COQ7: variants seen among roughly 807,000 people sequenced by gnomAD.
COQ7 encodes coenzyme Q7, hydroxylase.
In COQ7, 21 loss-of-function variants were observed where a neutral mutation model predicts 25.0. The observed-to-expected ratio is 0.84, with a 90% CI of 0.60 to 1.21. The LOEUF is 1.21. COQ7 is among the 50% of genes most tolerant of loss of function. COQ7 has a pLI of 0.00. For missense variants in COQ7, 311 were observed against 296.2 expected (o/e 1.05, Z -0.37); for synonymous variants, 125 against 112.4 (o/e 1.11, Z -0.71).
chr16:19,070,724 T>C (rs1276502178), intron 1 of COQ7, among the ~76,000 whole-genome samples: 1 of 150,888 alleles, frequency 6.6e-6, no homozygotes, highest in East Asian at 1.9e-4. Flanking sequence ...GTCTCCAGCC[T>C]GGGCGATACA....
At chr16:19,068,795 A>G (rs574332415) in intron 1 of COQ7, 50 of 439,596 alleles carry the variant, frequency 1.1e-4, no homozygotes, top group African/African-American at 8.1e-4. Flanking sequence ...TTGTATAGCT[A>G]TGTCCCATTT....
intron 2 of COQ7, among the ~76,000 whole-genome samples, chr16:19,073,191 C>T (rs1962651711): frequency 1.3e-5 from 2 of 152,098 alleles, no homozygotes; most frequent in South Asian, 2.1e-4. Flanking sequence ...TGCCTGTAGT[C>T]CCAGCTGCTT....
At chr16:19,080,757 T>C (rs1330052970), downstream of COQ7, among the ~76,000 whole-genome samples, 3 of 152,034 alleles carry the variant, frequency 2.0e-5, no homozygotes, top group Non-Finnish European at 4.4e-5. Context: ...ATAATTAGGG[T>C]TATTATGTTA....
rs541210371 is a variant in COQ7 at position 19,069,407 on chromosome 16, G to A, written c.73+1670G>A. On this transcript the variant is annotated intron_variant, in intron 1 of 5. Coordinates refer to ENST00000321998, the MANE Select transcript of COQ7 (RefSeq NM_016138.5). ...TTAAAAAGGAAAGAGCCTGATTATT[G>A]CCTTTTTTTTTTTTTTTTTTTGAGG... 2.4e-5 allele frequency among the ~76,000 whole-genome samples: 3 copies of A among 124,420 alleles called. No individual in the cohort carries two copies. The South Asian group carries it at 8.0e-4, about 33-fold the overall frequency. The allele number at this position is 124,420 out of a possible 152,430, so 81.6% of individuals were successfully genotyped here.
chr16:19,078,145 C>T lies in COQ7; in HGVS notation c.641C>T (p.Ser214Leu), dbSNP rs1962959540. The change falls in exon 6 of 6, where the codon TCA (serine) becomes TTA (leucine). Residue 214 changes from serine to leucine, a missense_variant. Ser to Leu is a moderately radical substitution (Grantham distance 145). Transcript: ENST00000321998. ...QAGCRVAIYLSERL is the reference protein window; with the variant it reads ...QAGCRVAIYLLERL ...GGATGCAGAGTGGCGATATATTTAT[C>T]AGAAAGATTATAAAGTGTGTCCAGT... 1 of 1,611,324 alleles carries T rather than the reference C, an allele frequency of 6.2e-7. No homozygotes were observed. The highest frequency in any genetic ancestry group is 8.5e-7 in the Non-Finnish European group (1 of 1,178,824).
Position 19,078,074 on chromosome 16 carries a change from T to C in COQ7, c.577-7T>C, listed in dbSNP as rs1962952684. 1.9e-6 allele frequency: 3 copies of C among 1,587,952 alleles called. No individual in the cohort carries two copies. Among genetic ancestry groups the C allele is most frequent in the East Asian group, 4.6e-5 (2 of 43,110 alleles). On this transcript the variant is annotated splice_region_variant and splice_polypyrimidine_tract_variant and intron_variant, in intron 5 of 5. Coordinates refer to ENST00000321998, the MANE Select transcript of COQ7 (RefSeq NM_016138.5). ...ATGTTTCTTTGTTTGCTTATTGTTT[T>C]TAACAGGCTCCAGCCTATGCCGTCC...
chr16:19,075,889 G>A (rs765952476), intron 4 of COQ7, 29 bp downstream of exon 4: 9 of 1,613,778 alleles, frequency 5.6e-6, no homozygotes, highest in Non-Finnish European at 2.5e-6. Context: ...GAACGGGGCT[G>A]CTCAAGGAGG....
In COQ7 at chr16:19,075,830, G is replaced by C; in HGVS notation, c.477G>C (p.Glu159Asp). ...YNNQIRTLMEEDPEKYEELLQ... is the reference protein window; with the variant it reads ...YNNQIRTLMEDDPEKYEELLQ... ...ACCAGATCAGGACGCTGATGGAGGA[G>C]GACCCTGAAAAATACGAGGAACTTC... Residue 159 changes from glutamate (E) to aspartate (D), a missense_variant, in exon 4 of 6, where the codon GAG becomes GAC. Transcript: ENST00000321998. The C allele has an allele frequency of 6.2e-7, 1 of 1,614,160 alleles. No homozygotes were observed.
rs749629099 is a variant in COQ7 at position 19,077,321 on chromosome 16, C to T, written c.523C>T (p.Arg175Trp). 6.8e-6 allele frequency: 11 copies of T among 1,613,904 alleles called. No homozygotes were observed. Among genetic ancestry groups the T allele is most frequent in the Admixed American group, 3.3e-5 (2 of 59,978 alleles). The change falls in exon 5 of 6, where the codon CGG (arginine) becomes TGG (tryptophan). Residue 175 changes from arginine to tryptophan, a missense_variant. By Grantham distance (101) the Arg-to-Trp change is moderately radical. Coordinates refer to ENST00000321998, the MANE Select transcript of COQ7 (RefSeq NM_016138.5). The stretch of plus-strand genomic sequence containing the variant: ...ATTTAACCAGCTGATAAAGAAATTT[C>T]GGGATGAAGAGCTTGAGCACCATGA... ...EELLQLIKKF[R>W]DEELEHHDIG...
intron 5 of COQ7, 102 bp downstream of exon 5, chr16:19,077,476 G>A (rs540481265): frequency 9.7e-6 from 9 of 923,538 alleles, no homozygotes; most frequent in African/African-American, 8.3e-5. Flanking sequence ...TAAAGTGACA[G>A]CGAAAGGGAG....
chr16:19,076,254 ATTTT>A (rs765074767), intron 4 of COQ7, among the ~76,000 whole-genome samples: 1 of 120,748 alleles, frequency 8.3e-6, no homozygotes, highest in South Asian at 2.8e-4. Flanking sequence ...CTCACAGCTA[ATTTT>A]TTTTTTTTTT....
Position 19,079,123 on chromosome 16 carries a change from CACAGTGTGAGACTTCA to C in COQ7, c.*967_*982del, listed in dbSNP as rs1963012419. 1 of 152,090 alleles carries C rather than the reference CACAGTGTGAGACTTCA, an allele frequency of 6.6e-6. No individual in the cohort carries two copies. Among genetic ancestry groups the C allele is most frequent in the African/African-American group, 2.4e-5 (1 of 41,418 alleles). 9.4% of individuals were successfully genotyped at this position (152,090 alleles called of 1,614,324 possible). Reference sequence around the variant, plus strand: ...CCCTAGAGAGATACCTCATCCTCTCCACAGTGTGAGACTTCAAGGGGAAGTATGAGACTTCTCTGAG... The same window carrying C: ...CCCTAGAGAGATACCTCATCCTCTCCAGGGGAAGTATGAGACTTCTCTGAG... On this transcript the variant is annotated 3_prime_UTR_variant, in exon 6 of 6. Transcript: ENST00000321998.
chr16:19,067,636 C>T lies in COQ7; in HGVS notation c.-29C>T, dbSNP rs971866716. The T allele has an allele frequency of 8.1e-6, 13 of 1,613,332 alleles. No homozygotes were observed. The highest frequency in any genetic ancestry group is 1.6e-4 in the Middle Eastern group (1 of 6,082). ...GGCACTATTGGCCAGTTCCGTTCAA[C>T]GAAGTGGTTGCTTTTTTTAGTTCCG... On this transcript the variant is annotated 5_prime_UTR_variant, in exon 1 of 6. In the 5' UTR this introduces an upstream ATG that the reference lacks. Transcript: ENST00000321998.
At chr16:19,067,840 G>A (rs547112775) in intron 1 of COQ7, 103 bp downstream of exon 1, 8 of 1,520,602 alleles carry the variant, frequency 5.3e-6, no homozygotes, top group Non-Finnish European at 4.4e-6. Flanking sequence ...GGTTCGTAAC[G>A]TCACAGGCCT....
chr16:19,082,016 C>T (rs1317868632), downstream of COQ7, among the ~76,000 whole-genome samples: 1 of 151,164 alleles, frequency 6.6e-6, no homozygotes, highest in African/African-American at 2.4e-5. Context: ...AGTGAAACTC[C>T]ATCCCAAAAA....
At chr16:19,074,951 A>G (rs1490181695) in intron 3 of COQ7, among the ~76,000 whole-genome samples, 1 of 152,222 alleles carries the variant, frequency 6.6e-6, no homozygotes, top group African/African-American at 2.4e-5. Flanking sequence ...ACGATTCTCA[A>G]CCTGAGATCT....
chr16:19,074,517 T>A (rs1420000484), intron 3 of COQ7, among the ~76,000 whole-genome samples: 1 of 151,320 alleles, frequency 6.6e-6, no homozygotes, highest in Non-Finnish European at 1.5e-5. Context: ...AGAGCGACAC[T>A]CTGTCTCAAA....
intron 5 of COQ7, among the ~76,000 whole-genome samples, 175 bp from the exon 6 acceptor site, chr16:19,077,906 A>C (rs1032288100): frequency 4.1e-4 from 63 of 152,228 alleles, no homozygotes; most frequent in Admixed American, 3.9e-4. Context: ...ATGCTTTGGC[A>C]GTAGTAGCAG....
rs1041193762 is a variant in COQ7, at chr16:19,079,066, C to T, written c.*908C>T. The T allele has an allele frequency of 2.0e-5, 3 of 152,024 alleles. No homozygotes were observed. The highest frequency in any genetic ancestry group is 2.9e-5 in the Non-Finnish European group (2 of 68,030). The allele number at this position is 152,024 out of a possible 1,614,324, so 9.4% of individuals were successfully genotyped here. Reference sequence around the variant, plus strand: ...AAGTGTGAGGTCATGAGAGTGGAGCCCTCATGAATGGGATCAGTGCCTTAT... The same window carrying T: ...AAGTGTGAGGTCATGAGAGTGGAGCTCTCATGAATGGGATCAGTGCCTTAT... On this transcript the variant is annotated 3_prime_UTR_variant, in exon 6 of 6. Transcript: ENST00000321998.
Sources: gnomAD v4.1 joint callset for allele counts (sites outside exome capture counted in the v4.1 genomes callset) on GRCh38, gnomAD v4.1.1 for gene constraint, MANE v1.5 for transcripts, NCBI Gene and HGNC (gene_info 2026-07-23, HGNC 2026-07-21) for gene names.